CACNB2: variants seen among roughly 807,000 people sequenced by gnomAD.
CACNB2 encodes the protein voltage-dependent L-type calcium channel subunit beta-2.
A neutral mutation model predicts 73.3 loss-of-function variants in CACNB2; 42 were observed. The observed-to-expected ratio is 0.57, with a 90% CI of 0.45 to 0.74. CACNB2 has a LOEUF of 0.74. Ranked by LOEUF, CACNB2 falls within the 30% of genes least tolerant of loss-of-function variation. CACNB2 has a pLI of 0.00. For synonymous variants in CACNB2, 348 were observed against 310.3 expected, an observed-to-expected ratio of 1.12 and a Z score of -1.28; for missense variants, 940 against 853.0, an observed-to-expected ratio of 1.10 and a Z score of -1.27.
In CACNB2 at chr10:18,539,265, T is replaced by A. The variant is rs752877638; in HGVS notation, c.1524T>A (p.Ala508=). ...SQGDQRTDRS[A]PIRSASQAEE... is the part of the protein sequence containing the mutation. ...GTGATCAGAGGACTGATCGCTCCGC[T>A]CCTATCCGTTCTGCTTCCCAAGCTG... Residue 508 remains alanine (A), a synonymous_variant, in exon 14 of 14, where the codon GCT becomes GCA. Coordinates refer to ENST00000324631, the MANE Select transcript of CACNB2 (RefSeq NM_201596.3). 1 of 1,613,978 alleles carries A rather than the reference T, an allele frequency of 6.2e-7. No individual in the cohort carries two copies. The highest frequency in any genetic ancestry group is 1.1e-5 in the South Asian group (1 of 91,066).
chr10:18,145,675 A>G (rs1397522819), intron 1 of CACNB2, among the ~76,000 whole-genome samples: 6 of 152,158 alleles, frequency 3.9e-5, no homozygotes, highest in Non-Finnish European at 5.9e-5. Context: ...GGATGGTGAT[A>G]CTCTACAATT....
At chr10:18,229,291 A>G (rs2036135866) in intron 2 of CACNB2, among the ~76,000 whole-genome samples, 1 of 152,322 alleles carries the variant, frequency 6.6e-6, no homozygotes, top group South Asian at 2.1e-4. Context: ...TTATTCTTAT[A>G]AAACAAGAAT....
chr10:18,491,553 G>T (rs563017986), intron 3 of CACNB2, among the ~76,000 whole-genome samples: 2 of 152,026 alleles, frequency 1.3e-5, no homozygotes, highest in Non-Finnish European at 1.5e-5. Context: ...GCACCACTTC[G>T]TTCCAGCCTG....
At chr10:18,144,326 CGCCTTGGCCTCCCAAA>C (rs1269127504) in intron 1 of CACNB2, among the ~76,000 whole-genome samples, 1 of 152,184 alleles carries the variant, frequency 6.6e-6, no homozygotes, top group African/African-American at 2.4e-5. Context: ...GTGATCTGCC[CGCCTTGGCCTCCCAAA>C]GTGCTGGGAT....
intron 2 of CACNB2, among the ~76,000 whole-genome samples, chr10:18,172,855 CA>C (rs1365005455): frequency 2.6e-5 from 4 of 151,286 alleles, no homozygotes; most frequent in Admixed American, 2.0e-4. Context: ...CTTTAGTCAT[CA>C]CACATTGGGC....
intron 5 of CACNB2, among the ~76,000 whole-genome samples, chr10:18,501,603 G>A (rs1001451070): frequency 6.6e-6 from 1 of 152,228 alleles, no homozygotes; most frequent in Non-Finnish European, 1.5e-5. Flanking sequence ...AATTTTCCAT[G>A]GAATCGTATG....
rs373464990 is a variant in CACNB2, at chr10:18,158,261, C to A, written c.213+7286C>A. Among the ~76,000 whole-genome samples, 33 of 152,244 alleles carry A rather than the reference C, an allele frequency of 2.2e-4. No homozygotes were observed. The East Asian group carries it at 2.7e-3, about 12-fold the overall frequency. ...TTATGGCACCTAGTTTTACAGTAAC[C>A]TCATTTAGAAATTGCTTTCCAGTTC... On this transcript the variant is annotated intron_variant, in intron 2 of 13. Transcript: ENST00000324631.
chr10:18,408,435 C>T lies in CACNB2; in HGVS notation c.333+6392C>T, dbSNP rs542341111. On this transcript the variant is annotated intron_variant, in intron 3 of 13. Transcript: ENST00000324631. Reference sequence around the variant, plus strand: ...TGTATTTTTAATAGAGACAGAGTTTCACCATGTTGGCCAGGCTGGTCTTGA... The same window carrying T: ...TGTATTTTTAATAGAGACAGAGTTTTACCATGTTGGCCAGGCTGGTCTTGA... Among the ~76,000 whole-genome samples the T allele has an allele frequency of 3.0e-3, 449 of 151,926 alleles. 1 individual carries two copies. Among genetic ancestry groups the T allele is most frequent in the African/African-American group, 0.01 (417 of 41,446 alleles).
rs2039499814 is a variant in CACNB2, at chr10:18,301,268, G to A, written c.214-100656G>A. On this transcript the variant is annotated intron_variant, in intron 2 of 13. Coordinates refer to ENST00000324631, the MANE Select transcript of CACNB2 (RefSeq NM_201596.3). ...CTGACTTTGCGCTCTCTGATAGCAC[G>A]AAGGAAAGCCCCAACAGGTGAATGA... is the stretch of plus-strand genomic sequence containing the variant. Among the ~76,000 whole-genome samples the A allele has an allele frequency of 2.0e-5, 3 of 152,134 alleles. No individual in the cohort carries two copies. The South Asian group carries it at 6.2e-4, about 31-fold the overall frequency.
At chr10:18,404,638 A>C (rs1223421615) in intron 3 of CACNB2, among the ~76,000 whole-genome samples, 1 of 152,222 alleles carries the variant, frequency 6.6e-6, no homozygotes, top group Non-Finnish European at 1.5e-5. Flanking sequence ...CATGTAATAA[A>C]TAAGTCTGTG....
At chr10:18,232,625 T>C (rs1564363694) in intron 2 of CACNB2, among the ~76,000 whole-genome samples, 2 of 152,232 alleles carry the variant, frequency 1.3e-5, no homozygotes, top group Non-Finnish European at 2.9e-5. Context: ...GTTTGAGTTA[T>C]CAGGTTGCAT....
intron 6 of CACNB2, among the ~76,000 whole-genome samples, chr10:18,507,828 C>G (rs957578110): frequency 6.6e-6 from 1 of 152,206 alleles, no homozygotes; most frequent in African/African-American, 2.4e-5. Context: ...GAACTAGTCA[C>G]ACAGTGACTG....
intron 2 of CACNB2, among the ~76,000 whole-genome samples, chr10:18,259,917 C>G (rs2037461657): frequency 6.6e-6 from 1 of 151,844 alleles, no homozygotes; most frequent in Admixed American, 6.6e-5. Context: ...CTCAAAAAAG[C>G]CTTGAGAAAA....
intron 2 of CACNB2, among the ~76,000 whole-genome samples, chr10:18,248,897 T>C (rs1361154553): frequency 2.0e-5 from 3 of 152,158 alleles, no homozygotes; most frequent in Admixed American, 6.5e-5. Flanking sequence ...ACTCTGCCCT[T>C]GAATTTCAGC....
At chr10:18,362,999 A>C (rs910630000) in intron 2 of CACNB2, among the ~76,000 whole-genome samples, 22 of 152,156 alleles carry the variant, frequency 1.4e-4, no homozygotes, top group Non-Finnish European at 2.5e-4. Context: ...ACTCTGGGCT[A>C]ATTGGCTCTA....
chr10:18,207,043 C>A (rs1036118599), intron 2 of CACNB2, among the ~76,000 whole-genome samples: 5 of 152,196 alleles, frequency 3.3e-5, no homozygotes, highest in African/African-American at 4.8e-5. Flanking sequence ...GAGTCTCACT[C>A]TGTCACCCAG....
In CACNB2 at chr10:18,500,886, C is replaced by G. The variant is rs1330253844; in HGVS notation, c.531C>G (p.Val177=). 6.2e-7 allele frequency: 1 copy of G among 1,613,830 alleles called. No individual in the cohort carries two copies. Among genetic ancestry groups the G allele is most frequent in the African/African-American group, 1.3e-5 (1 of 74,898 alleles). ...AAATCGGATTCATTCCAAGCCCAGT[C>G]AAACTAGAAAACATGAGGCTGCAGC... ...GCEIGFIPSP[V]KLENMRLQHE... is the part of the protein sequence containing the mutation. Residue 177 remains valine, a synonymous_variant, in exon 5 of 14, where the codon GTC becomes GTG. Transcript: ENST00000324631.
intron 2 of CACNB2, among the ~76,000 whole-genome samples, chr10:18,346,696 A>T (rs971624160): frequency 6.6e-6 from 1 of 151,908 alleles, no homozygotes; most frequent in African/African-American, 2.4e-5. Flanking sequence ...TCCCAGGCTC[A>T]AGCCATCATC....
At chr10:18,168,600 C>A (rs1418418331) in intron 2 of CACNB2, among the ~76,000 whole-genome samples, 1 of 152,010 alleles carries the variant, frequency 6.6e-6, no homozygotes, top group Non-Finnish European at 1.5e-5. Flanking sequence ...CACACTGCCA[C>A]TTTTTTGTTC....
Sources: allele counts gnomAD v4.1 joint callset (sites outside exome capture counted in the v4.1 genomes callset), GRCh38; gene constraint gnomAD v4.1.1; transcripts MANE v1.5; gene names NCBI Gene and HGNC (gene_info 2026-07-23, HGNC 2026-07-21).